The following MAF variants were observed in gnomAD, a reference collection of about 807,000 sequenced individuals.
MAF encodes the protein MAF bZIP transcription factor.
A neutral mutation model predicts 22.0 loss-of-function variants in MAF; 10 were observed. The observed-to-expected ratio is 0.45, with a 90% confidence interval of 0.28 to 0.77. The LOEUF (loss-of-function observed/expected upper bound fraction) is 0.77, where lower values mean the gene tolerates loss of function less well. Ranked by LOEUF, MAF falls within the 30% of genes least tolerant of loss-of-function variation. MAF has a pLI of 0.12. For missense variants in MAF, 544 were observed against 548.4 expected (o/e 0.99, Z 0.08); for synonymous variants, 337 against 255.8 (o/e 1.32, Z -3.03).
the MAF span, among the ~76,000 whole-genome samples, chr16:79,302,870 T>C: frequency 6.6e-6 from 1 of 152,258 alleles, no homozygotes; most frequent in Non-Finnish European, 1.5e-5. Context: ...ATAGTCAATC[T>C]GTTTGTCTGT....
the MAF span, among the ~76,000 whole-genome samples, chr16:79,299,368 A>G: frequency 6.6e-6 from 1 of 152,138 alleles, no homozygotes; most frequent in South Asian, 2.1e-4. Flanking sequence ...AAAAAGAAAA[A>G]AAACAACCTT....
the MAF span, among the ~76,000 whole-genome samples, chr16:79,556,935 G>T: frequency 6.6e-6 from 1 of 151,560 alleles, no homozygotes; most frequent in Non-Finnish European, 1.5e-5. Context: ...GATTATTTCT[G>T]TTACGAGTTT....
chr16:79,433,277 AATAT>A, the MAF span, among the ~76,000 whole-genome samples: 31 of 118,934 alleles, frequency 2.6e-4, no homozygotes, highest in African/African-American at 7.0e-4. Flanking sequence ...TAAAAAAAAA[AATAT>A]ATATATATAT....
chr16:79,516,403 T>C, the MAF span: 1 of 152,178 alleles, frequency 6.6e-6, no homozygotes, highest in Non-Finnish European at 1.5e-5. Flanking sequence ...GATAAATGAT[T>C]TACAAACCTT....
At chr16:79,322,865 T>C in the MAF span, among the ~76,000 whole-genome samples, 3 of 151,796 alleles carry the variant, frequency 2.0e-5, no homozygotes, top group South Asian at 2.1e-4. Context: ...CAATAGGCAA[T>C]TGGGGCCGGG....
the MAF span, among the ~76,000 whole-genome samples, chr16:79,245,257 A>C: frequency 6.6e-6 from 1 of 152,060 alleles, no homozygotes; most frequent in African/African-American, 2.4e-5. Flanking sequence ...CAACAAAAGA[A>C]ACTATCGTTG....
chr16:79,204,618 G>C, the MAF span: 4 of 152,176 alleles, frequency 2.6e-5, no homozygotes, highest in African/African-American at 9.7e-5. Context: ...TCATGGAAAA[G>C]CTCAGAACAG....
chr16:79,340,703 T>G, the MAF span, among the ~76,000 whole-genome samples: 1 of 151,776 alleles, frequency 6.6e-6, no homozygotes, highest in Non-Finnish European at 1.5e-5. Context: ...CATTGTAGGG[T>G]GGGGAGCAGC....
the MAF span, among the ~76,000 whole-genome samples, chr16:79,388,725 T>C: frequency 6.6e-6 from 1 of 152,202 alleles, no homozygotes; most frequent in Non-Finnish European, 1.5e-5. Flanking sequence ...AAATTTAGAC[T>C]ATCTCCAAGA....
chr16:79,408,078 C>CAAAG, the MAF span, among the ~76,000 whole-genome samples: 1 of 81,578 alleles, frequency 1.2e-5, no homozygotes, highest in South Asian at 6.8e-4. Flanking sequence ...TTTTACCTTT[C>CAAAG]AAAAAAAAAA....
chr16:79,262,950 A>G, the MAF span, among the ~76,000 whole-genome samples: 1 of 152,214 alleles, frequency 6.6e-6, no homozygotes, highest in African/African-American at 2.4e-5. Flanking sequence ...TGAGTAGGAC[A>G]ATCAGATACA....
the MAF span, among the ~76,000 whole-genome samples, chr16:79,523,576 C>T: frequency 1.3e-5 from 2 of 152,174 alleles, no homozygotes; most frequent in African/African-American, 4.8e-5. Flanking sequence ...GAGATGCTGG[C>T]TGCCTCAAGA....
the MAF span, among the ~76,000 whole-genome samples, chr16:79,564,068 C>G: frequency 6.6e-6 from 1 of 152,226 alleles, no homozygotes; most frequent in Non-Finnish European, 1.5e-5. Flanking sequence ...TCAAGTGGAG[C>G]AGACCCTGCT....
the MAF span, among the ~76,000 whole-genome samples, chr16:79,484,845 A>G: frequency 2.6e-5 from 4 of 152,164 alleles, no homozygotes; most frequent in African/African-American, 7.2e-5. Flanking sequence ...ACTAAAAGCT[A>G]CTTAACCAGA....
chr16:79,383,780 T>A, the MAF span, among the ~76,000 whole-genome samples: 7 of 152,202 alleles, frequency 4.6e-5, no homozygotes, highest in Admixed American at 4.6e-4. Context: ...TCATTAAACC[T>A]GCAGTTGGTA....
chr16:79,475,819 G>A, the MAF span, among the ~76,000 whole-genome samples: 2 of 152,166 alleles, frequency 1.3e-5, no homozygotes, highest in Admixed American at 6.5e-5. Context: ...ATGAGGGTTT[G>A]TTACACTTGT....
the MAF span, among the ~76,000 whole-genome samples, chr16:79,420,024 A>C: frequency 6.7e-6 from 1 of 148,380 alleles, no homozygotes; most frequent in Non-Finnish European, 1.5e-5. Flanking sequence ...TTCTTTCTTT[A>C]ACCCATTTGA....
At chr16:79,472,063 C>T in the MAF span, among the ~76,000 whole-genome samples, 1 of 152,146 alleles carries the variant, frequency 6.6e-6, no homozygotes, top group African/African-American at 2.4e-5. Flanking sequence ...ACCTCTCTTT[C>T]CCTCTCTTTC....
chr16:79,554,047 C>A, the MAF span, among the ~76,000 whole-genome samples: 3 of 152,212 alleles, frequency 2.0e-5, no homozygotes, highest in South Asian at 6.2e-4. Flanking sequence ...TGAGATCATG[C>A]CACTGGACTC....
Sources: gnomAD v4.1 joint callset for allele counts (sites outside exome capture counted in the v4.1 genomes callset) on GRCh38, gnomAD v4.1.1 for gene constraint, MANE v1.5 for transcripts, NCBI Gene and HGNC (gene_info 2026-07-23, HGNC 2026-07-21) for gene names.